MYO10: variants seen among roughly 807,000 people sequenced by gnomAD.
MYO10 encodes myosin X, also known as unconventional myosin-X.
Under a neutral mutation model 257.3 loss-of-function variants are expected in MYO10, and 133 were observed. The ratio of observed to expected loss-of-function variants is 0.52; its 90% CI spans 0.45 to 0.60. The LOEUF (loss-of-function observed/expected upper bound fraction) is 0.60. Among genes scored for constraint, MYO10 ranks in the 20% least tolerant of loss-of-function variants. The pLI, the probability that MYO10 is intolerant of heterozygous loss-of-function variation, is 0.00. For missense variants in MYO10, 2,399 were observed against 2,635.7 expected (o/e 0.91, Z 1.97); for synonymous variants, 1,104 against 1,028.6 (o/e 1.07, Z -1.40).
intron 1 of MYO10, among the ~76,000 whole-genome samples, chr5:16,921,954 C>T (rs567511607): frequency 6.1e-4 from 93 of 152,234 alleles, no homozygotes; most frequent in South Asian, 1.7e-3. Context: ...GCAGCTCCCA[C>T]CTGTAATCCT....
intron 1 of MYO10, among the ~76,000 whole-genome samples, chr5:16,920,395 G>T (rs1008620583): frequency 6.6e-6 from 1 of 152,240 alleles, no homozygotes; most frequent in Non-Finnish European, 1.5e-5. Flanking sequence ...CAAAGGCACT[G>T]AGTGAAGAAA....
Position 16,674,950 on chromosome 5 carries a change from C to T in MYO10, c.4867G>A (p.Val1623Met). The T allele has an allele frequency of 1.2e-6, 2 of 1,614,030 alleles. No homozygotes were observed. The highest frequency in any genetic ancestry group is 1.7e-6 in the Non-Finnish European group (2 of 1,179,896). ...ATCTGCCAGCTGTACAGGTTGCCCA[C>T]ACTGCCGGGGTGGGGCACTTTGTTG... ...QTNKVPHPGS[V>M]GNLYSWQILT... The change falls in exon 35 of 41, where the codon GTG becomes ATG. Residue 1623 changes from valine (V) to methionine (M), a missense_variant. This residue lies in a region of MYO10 where 1,820 missense variants were observed against 1,939.4 expected (regional missense o/e 0.94). Transcript: ENST00000513610.
intron 2 of MYO10, among the ~76,000 whole-genome samples, chr5:16,834,774 C>A (rs1455396895): frequency 6.6e-6 from 1 of 152,172 alleles, no homozygotes; most frequent in Non-Finnish European, 1.5e-5. Flanking sequence ...TATGAATACA[C>A]CTCTTAGTTT....
intron 21 of MYO10, among the ~76,000 whole-genome samples, chr5:16,705,402 A>G (rs1738284272): frequency 6.6e-6 from 1 of 152,212 alleles, no homozygotes; most frequent in African/African-American, 2.4e-5. Flanking sequence ...CTGCTTATCA[A>G]ATAAGTGTGT....
At chr5:16,921,352 C>T (rs1257263871) in intron 1 of MYO10, among the ~76,000 whole-genome samples, 2 of 151,934 alleles carry the variant, frequency 1.3e-5, no homozygotes, top group Non-Finnish European at 2.9e-5. Context: ...ACTAAAAAAG[C>T]ACTTAGGGGG....
chr5:16,904,495 C>T (rs1198343940), intron 1 of MYO10, among the ~76,000 whole-genome samples: 1 of 152,150 alleles, frequency 6.6e-6, no homozygotes, highest in Non-Finnish European at 1.5e-5. Flanking sequence ...AGGACTGAGC[C>T]CTCAACCTGT....
chr5:16,736,911 T>C (rs1739827501), intron 19 of MYO10, among the ~76,000 whole-genome samples: 1 of 152,318 alleles, frequency 6.6e-6, no homozygotes, highest in Non-Finnish European at 1.5e-5. Context: ...CCTACTTATG[T>C]GTTATAATAA....
chr5:16,821,582 T>C (rs1742816196), intron 2 of MYO10, among the ~76,000 whole-genome samples: 1 of 148,280 alleles, frequency 6.7e-6, no homozygotes, highest in African/African-American at 2.5e-5. Context: ...TTCTCCTGCA[T>C]CAGCCTCCCG....
chr5:16,762,608 T>C lies in MYO10; in HGVS notation c.1524A>G (p.Glu508=). ...CTGTGGCTTGAGGAAAATGGCTTTCTTCATTGATAAGGGCTAGGAGGCCAA... is the reference window on the plus strand; with the variant it reads ...CTGTGGCTTGAGGAAAATGGCTTTCCTCATTGATAAGGGCTAGGAGGCCAA... The part of the protein sequence containing the change: ...KKLGLLALIN[E]ESHFPQATDS... The change falls in exon 15 of 41, where the codon GAA becomes GAG. Residue 508 remains glutamate, a synonymous_variant. Transcript: ENST00000513610. The C allele has an allele frequency of 6.2e-7, 1 of 1,608,312 alleles. No individual in the cohort carries two copies. The highest frequency in any genetic ancestry group is 8.5e-7 in the Non-Finnish European group (1 of 1,177,634).
intron 2 of MYO10, among the ~76,000 whole-genome samples, chr5:16,823,533 A>G (rs6864398): frequency 0.089 from 11,005 of 123,242 alleles, 1,512 homozygotes; most frequent in African/African-American, 0.3. Flanking sequence ...GTGCAGTGGC[A>G]CAATCTCGGC....
intron 2 of MYO10, among the ~76,000 whole-genome samples, chr5:16,820,529 G>A (rs1397869225): frequency 2.6e-5 from 4 of 152,008 alleles, no homozygotes; most frequent in Non-Finnish European, 5.9e-5. Context: ...AGCGCAACTC[G>A]AGTTCCCTTC....
intron 2 of MYO10, among the ~76,000 whole-genome samples, chr5:16,833,799 G>A (rs1430517418): frequency 1.3e-5 from 2 of 152,100 alleles, no homozygotes; most frequent in Non-Finnish European, 2.9e-5. Flanking sequence ...AAATGGCTAT[G>A]TTTCTTAGTG....
intron 3 of MYO10, among the ~76,000 whole-genome samples, chr5:16,810,251 G>A (rs951290189): frequency 6.6e-6 from 1 of 152,086 alleles, no homozygotes; most frequent in Non-Finnish European, 1.5e-5. Context: ...CTTCCAGGAC[G>A]GTGCCACGTT....
chr5:16,762,571 A>T lies in MYO10; in HGVS notation c.1561T>A (p.Leu521Met), dbSNP rs1344150260. The change falls in exon 15 of 41, where the codon TTG becomes ATG. Residue 521 changes from leucine to methionine, a missense_variant. This residue lies in a region of MYO10 where 337 missense variants were observed against 446.8 expected (regional missense o/e 0.75). Transcript: ENST00000513610. ...HFPQATDSTL[L>M]EKLHSQHANN... is the part of the protein sequence containing the mutation. ...GCATGCTGACTGTGTAGCTTCTCCAATAAGGTGCTGTCTGTGGCTTGAGGA... is the reference window on the plus strand; with the variant it reads ...GCATGCTGACTGTGTAGCTTCTCCATTAAGGTGCTGTCTGTGGCTTGAGGA... 21 of 1,610,102 alleles carry T rather than the reference A, an allele frequency of 1.3e-5. No homozygotes were observed. Among genetic ancestry groups the T allele is most frequent in the Non-Finnish European group, 1.8e-5 (21 of 1,178,374 alleles).
At chr5:16,800,589 G>A (rs1364357515) in intron 3 of MYO10, among the ~76,000 whole-genome samples, 4 of 152,048 alleles carry the variant, frequency 2.6e-5, no homozygotes, top group African/African-American at 4.8e-5. Context: ...CAGGCTCTCC[G>A]CCCATAAAAG....
At chr5:16,679,898 G>T in intron 33 of MYO10, 49 bp downstream of exon 33, 1 of 1,587,816 alleles carries the variant, frequency 6.3e-7, no homozygotes, top group Non-Finnish European at 8.6e-7. Flanking sequence ...TCTAAGGGTA[G>T]AATCTCTGAG....
intron 19 of MYO10, 43 bp downstream of exon 19, chr5:16,754,785 T>C: frequency 7.0e-7 from 1 of 1,435,028 alleles, no homozygotes; most frequent in Non-Finnish European, 9.6e-7. Flanking sequence ...GGAGGCTGTG[T>C]CCCTCGAGAC....
intron 10 of MYO10, 33 bp from the exon 11 acceptor site, chr5:16,766,231 A>G: frequency 6.5e-7 from 1 of 1,535,930 alleles, no homozygotes; most frequent in Non-Finnish European, 9.0e-7. Flanking sequence ...GAATGAACCC[A>G]CCGCCCCCAA....
chr5:16,857,290 T>C (rs1185584204), intron 2 of MYO10, among the ~76,000 whole-genome samples: 3 of 152,204 alleles, frequency 2.0e-5, no homozygotes, highest in Admixed American at 2.0e-4. Context: ...ATATGGTTTC[T>C]GACACAATAC....
Sources: allele counts gnomAD v4.1 joint callset (sites outside exome capture counted in the v4.1 genomes callset), GRCh38; gene constraint gnomAD v4.1.1; regional missense constraint gnomAD v4.1.1; transcripts MANE v1.5; gene names NCBI Gene and HGNC (gene_info 2026-07-23, HGNC 2026-07-21).